PLXDC2: variants seen among roughly 807,000 people sequenced by gnomAD.
PLXDC2 encodes plexin domain containing 2.
A neutral mutation model predicts 68.9 loss-of-function variants in PLXDC2; 40 were observed. That is an observed-to-expected ratio of 0.58 (90% confidence interval 0.45 to 0.76). The LOEUF (loss-of-function observed/expected upper bound fraction) is 0.76. PLXDC2 is among the 30% of genes least tolerant of loss of function. The pLI is 0.00. For missense variants in PLXDC2, 644 were observed against 661.9 expected, an observed-to-expected ratio of 0.97 and a Z score of 0.30; for synonymous variants, 243 against 234.2, an observed-to-expected ratio of 1.04 and a Z score of -0.34.
chr10:20,051,037 T>A (rs891800577), intron 3 of PLXDC2, among the ~76,000 whole-genome samples: 2 of 152,090 alleles, frequency 1.3e-5, no homozygotes, highest in African/African-American at 4.8e-5. Flanking sequence ...ATATACACTA[T>A]GGAATACTAT....
intron 1 of PLXDC2, among the ~76,000 whole-genome samples, chr10:19,946,433 C>T (rs1323421751): frequency 2.0e-5 from 3 of 152,024 alleles, no homozygotes; most frequent in Admixed American, 1.3e-4. Context: ...ATGATGTCCA[C>T]ATCCTATTTC....
chr10:19,967,081 G>C (rs1376464643), intron 1 of PLXDC2, among the ~76,000 whole-genome samples: 1 of 152,190 alleles, frequency 6.6e-6, no homozygotes, highest in East Asian at 1.9e-4. Flanking sequence ...AGCCAACCTT[G>C]TATAAAATGT....
At chr10:20,189,961 A>G (rs930412538) in intron 9 of PLXDC2, among the ~76,000 whole-genome samples, 4 of 151,806 alleles carry the variant, frequency 2.6e-5, no homozygotes, top group Admixed American at 6.6e-5. Context: ...CCTAATAACT[A>G]AGTCCCACCT....
chr10:20,014,968 G>A (rs1835185270), intron 2 of PLXDC2, among the ~76,000 whole-genome samples: 1 of 152,068 alleles, frequency 6.6e-6, no homozygotes, highest in Admixed American at 6.6e-5. Context: ...TGTTCCTCCT[G>A]ATTTTCTATT....
chr10:20,221,121 G>A lies in PLXDC2; in HGVS notation c.1312+2019G>A, dbSNP rs568458424. 1.2e-4 allele frequency among the ~76,000 whole-genome samples: 18 copies of A among 150,178 alleles called. No homozygotes were observed. In the East Asian group the frequency reaches 3.3e-3, roughly 27 times the overall value. ...ACCTCCCAAAGTGCTGGGATTACAA[G>A]CGTGAGCCACCACGCACGGCCAACA... On this transcript the variant is annotated intron_variant, in intron 12 of 13. Coordinates refer to ENST00000377252, the MANE Select transcript of PLXDC2 (RefSeq NM_032812.9).
In PLXDC2 at chr10:20,280,041, C is replaced by T; in HGVS notation, c.*222C>T. 2 of 488,978 alleles carry T rather than the reference C, an allele frequency of 4.1e-6. No individual in the cohort carries two copies. Among genetic ancestry groups the T allele is most frequent in the South Asian group, 3.4e-5 (1 of 29,008 alleles). The allele number at this position is 488,978 out of a possible 1,614,324, so 30.3% of individuals were successfully genotyped here. The stretch of plus-strand genomic sequence containing the variant: ...CCATTTACACTGAACATAGAATTCC[C>T]TAGTGGAATGTCATCTATAGTTCAC... On this transcript the variant is annotated 3_prime_UTR_variant, in exon 14 of 14. Transcript: ENST00000377252.
chr10:20,272,984 A>G (rs891235822), intron 13 of PLXDC2, among the ~76,000 whole-genome samples: 9 of 152,226 alleles, frequency 5.9e-5, no homozygotes, highest in African/African-American at 2.2e-4. Context: ...CCGGGTTTGG[A>G]ATCCATTGCA....
chr10:19,835,302 A>G (rs1188791855), intron 1 of PLXDC2, among the ~76,000 whole-genome samples: 1 of 152,146 alleles, frequency 6.6e-6, no homozygotes, highest in Non-Finnish European at 1.5e-5. Context: ...GAGAGCAGCT[A>G]GGAAGGGCAG....
chr10:20,077,124 A>G (rs1836465086), intron 4 of PLXDC2, among the ~76,000 whole-genome samples: 2 of 152,160 alleles, frequency 1.3e-5, no homozygotes, highest in South Asian at 4.1e-4. Context: ...TGGGATGAGA[A>G]TGGACATCCC....
chr10:20,216,465 A>G (rs551881416), intron 10 of PLXDC2, among the ~76,000 whole-genome samples: 2 of 152,200 alleles, frequency 1.3e-5, no homozygotes, highest in Non-Finnish European at 2.9e-5. Flanking sequence ...AGTGGAGAAT[A>G]AACCTGTTTC....
At chr10:20,191,457 T>C (rs1364504359) in intron 9 of PLXDC2, among the ~76,000 whole-genome samples, 1 of 151,914 alleles carries the variant, frequency 6.6e-6, no homozygotes, top group Non-Finnish European at 1.5e-5. Context: ...ATTTCTAAAA[T>C]AATGTCTTCT....
chr10:20,104,867 A>G (rs1271767303), intron 4 of PLXDC2, among the ~76,000 whole-genome samples: 3 of 151,946 alleles, frequency 2.0e-5, no homozygotes, highest in African/African-American at 7.3e-5. Flanking sequence ...CCTGGCCAAT[A>G]TGGTGAAACT....
At chr10:20,143,186 C>G in intron 4 of PLXDC2, 109 bp from the exon 5 acceptor site, 11 of 1,158,092 alleles carry the variant, frequency 9.5e-6, no homozygotes, top group Non-Finnish European at 1.3e-5. Context: ...TTCCAGCTAC[C>G]ATGACATTTT....
chr10:19,912,207 GT>G (rs555557435), intron 1 of PLXDC2, among the ~76,000 whole-genome samples: 3 of 151,718 alleles, frequency 2.0e-5, no homozygotes, highest in Admixed American at 1.3e-4. Context: ...ATCTTAGTGG[GT>G]TTTTTTTGCC....
intron 2 of PLXDC2, among the ~76,000 whole-genome samples, chr10:20,031,674 C>G (rs1407874539): frequency 6.6e-6 from 1 of 151,954 alleles, no homozygotes; most frequent in Non-Finnish European, 1.5e-5. Context: ...GTGACAAAGC[C>G]AAATAAATTA....
intron 2 of PLXDC2, among the ~76,000 whole-genome samples, chr10:20,042,940 C>T (rs76096478): frequency 0.018 from 2,695 of 152,228 alleles, 76 homozygotes; most frequent in African/African-American, 0.061. Flanking sequence ...AATGAATTGG[C>T]AACTAGGCAT....
At chr10:19,917,014 A>T (rs1833380125) in intron 1 of PLXDC2, among the ~76,000 whole-genome samples, 1 of 152,228 alleles carries the variant, frequency 6.6e-6, no homozygotes, top group South Asian at 2.1e-4. Context: ...ACCATTCTTT[A>T]TAAAAGGCTC....
intron 1 of PLXDC2, among the ~76,000 whole-genome samples, chr10:19,849,197 TAAAA>T (rs1240867021): frequency 6.6e-6 from 1 of 152,100 alleles, no homozygotes; most frequent in Admixed American, 6.6e-5. Context: ...ATAATGGAAA[TAAAA>T]AATAAATAAC....
intron 4 of PLXDC2, among the ~76,000 whole-genome samples, chr10:20,080,346 G>A (rs560409569): frequency 6.3e-5 from 9 of 143,862 alleles, no homozygotes; most frequent in Middle Eastern, 3.5e-3. Flanking sequence ...ATCAAAAGGC[G>A]AAGTCCCCCA....
Sources: gnomAD v4.1 joint callset for allele counts (sites outside exome capture counted in the v4.1 genomes callset) on GRCh38, gnomAD v4.1.1 for gene constraint, MANE v1.5 for transcripts, NCBI Gene and HGNC (gene_info 2026-07-23, HGNC 2026-07-21) for gene names.